Variants in TTLL10 observed in about 807,000 individuals in gnomAD.
The protein encoded by TTLL10 is inactive polyglycylase TTLL10.
A neutral mutation model predicts 69.0 loss-of-function variants in TTLL10; 61 were observed. The observed-to-expected ratio is 0.88, with a 90% CI of 0.72 to 1.09. The LOEUF (loss-of-function observed/expected upper bound fraction) is 1.09. TTLL10 is among the 50% of genes least tolerant of loss of function. The pLI is 0.00. For synonymous variants in TTLL10, 408 were observed against 393.3 expected, an observed-to-expected ratio of 1.04 and a Z score of -0.44; for missense variants, 962 against 945.9, an observed-to-expected ratio of 1.02 and a Z score of -0.22.
chr1:1,180,806 G>C lies in TTLL10; in HGVS notation c.701G>C (p.Gly234Ala). Reference sequence around the variant, plus strand: ...ATCGGGCTGCTCAGCACCCTTCGGGGACGGGCACGGGCCATGAGCAAGGCC... The same window carrying C: ...ATCGGGCTGCTCAGCACCCTTCGGGCACGGGCACGGGCCATGAGCAAGGCC... ...TKIGLLSTLR[G>A]RARAMSKASK... The change falls in exon 8 of 16, where the codon GGA (glycine) becomes GCA (alanine). Residue 234 changes from glycine to alanine, a missense_variant. Gly to Ala is a moderately conservative substitution (Grantham distance 60, BLOSUM62 0). Transcript: ENST00000379289. The C allele has an allele frequency of 6.2e-7, 1 of 1,603,360 alleles. No individual in the cohort carries two copies. Among genetic ancestry groups the C allele is most frequent in the Non-Finnish European group, 8.5e-7 (1 of 1,175,872 alleles).
intron 13 of TTLL10, among the ~76,000 whole-genome samples, chr1:1,188,373 C>T (rs1317937448): frequency 1.3e-5 from 2 of 149,478 alleles, no homozygotes; most frequent in Admixed American, 6.7e-5. Flanking sequence ...TTAAGATTGG[C>T]TTTTCCATTT....
chr1:1,180,861 G>A lies in TTLL10; in HGVS notation c.755+1G>A. ...AGGTGCCGGGGGGGGTCCAGGCCAG[G>A]TGAGTCTGCCCCTGCCCCTGCCCCC... On this transcript the variant is annotated splice_donor_variant, in intron 8 of 15. Coordinates refer to ENST00000379289, the MANE Select transcript of TTLL10 (RefSeq NM_001130045.2). LOFTEE classifies it high-confidence loss of function. The A allele has an allele frequency of 1.3e-6, 2 of 1,561,864 alleles. No individual in the cohort carries two copies. Among genetic ancestry groups the A allele is most frequent in the Non-Finnish European group, 1.7e-6 (2 of 1,153,920 alleles).
At chr1:1,175,458 A>AT in intron 3 of TTLL10, 3 of 359,178 alleles carry the variant, frequency 8.4e-6, no homozygotes, top group South Asian at 6.3e-5. Context: ...TGCCCTGTCC[A>AT]TATCATCCCG....
intron 4 of TTLL10, 86 bp from the exon 5 acceptor site, chr1:1,179,571 A>G: frequency 1.3e-6 from 2 of 1,533,376 alleles, no homozygotes; most frequent in Non-Finnish European, 1.8e-6. Flanking sequence ...CACCCCTGGA[A>G]GGGCAGCCCC....
intron 3 of TTLL10, among the ~76,000 whole-genome samples, chr1:1,177,723 G>A (rs1035505562): frequency 6.6e-6 from 1 of 152,240 alleles, no homozygotes; most frequent in Admixed American, 6.5e-5. Flanking sequence ...TCCCCAGCAG[G>A]AATCCTGGGT....
chr1:1,177,318 C>CTT (rs546851646), intron 3 of TTLL10, among the ~76,000 whole-genome samples: 3 of 147,338 alleles, frequency 2.0e-5, no homozygotes, highest in South Asian at 2.1e-4. Flanking sequence ...GTGTGTCATT[C>CTT]TTTTTTTTTT....
intron 3 of TTLL10, among the ~76,000 whole-genome samples, chr1:1,176,855 T>G (rs1646884811): frequency 2.6e-5 from 4 of 152,240 alleles, no homozygotes; most frequent in Non-Finnish European, 5.9e-5. Flanking sequence ...GCATTTTTAA[T>G]TCCCACCGGC....
chr1:1,182,916 G>C lies in TTLL10; in HGVS notation c.957G>C (p.Gln319His). 2 of 1,596,484 alleles carry C rather than the reference G, an allele frequency of 1.3e-6. No homozygotes were observed. Among genetic ancestry groups the C allele is most frequent in the Non-Finnish European group, 1.7e-6 (2 of 1,171,922 alleles). The change falls in exon 11 of 16, where the codon CAG becomes CAC. Residue 319 changes from glutamine to histidine, a missense_variant. Transcript: ENST00000379289. ...TCTGCAAGCCCACAGCCTCCAACCA[G>C]GGCAAAGGCATCTTCCTGCTCCGGA... The part of the protein sequence containing the change: ...IWICKPTASN[Q>H]GKGIFLLRNQ...
intron 13 of TTLL10, among the ~76,000 whole-genome samples, chr1:1,192,557 G>GAGTGTAGACAATCCAGTTGATATC (rs1557490254): frequency 8.7e-5 from 13 of 150,138 alleles, no homozygotes; most frequent in African/African-American, 3.2e-4. Flanking sequence ...CAGTTGGTAT[G>GAGTGTAGACAATCCAGTTGATATC]AGTGTAGACA....
In TTLL10 at chr1:1,197,866, AGCGCCCC is replaced by A. The variant is rs758076350; in HGVS notation, c.*34_*40del. On this transcript the variant is annotated 3_prime_UTR_variant, in exon 16 of 16. Transcript: ENST00000379289. ...GCCCTAGGGGCAGCCACCCGCGCCC[AGCGCCCC>A]GCGCCCCGCGCCCCAGCCGTGCTGC... The A allele has an allele frequency of 2.0e-4, 289 of 1,421,178 alleles. 1 individual carries two copies. Among genetic ancestry groups the A allele is most frequent in the African/African-American group, 1.0e-3 (67 of 66,002 alleles). The allele number at this position is 1,421,178 out of a possible 1,614,324, so 88.0% of individuals were successfully genotyped here. A position where few individuals can be genotyped will look rare whatever the true frequency, so the allele number is the denominator to read the frequency against.
chr1:1,186,518 T>G (rs1647336304), intron 13 of TTLL10, among the ~76,000 whole-genome samples: 1 of 152,208 alleles, frequency 6.6e-6, no homozygotes, highest in Non-Finnish European at 1.5e-5. Context: ...AATGTTTGTA[T>G]GAATATATAT....
rs74475385 is a variant in TTLL10 at position 1,185,108 on chromosome 1, A to C, written c.1400A>C (p.Lys467Thr). Residue 467 changes from lysine to threonine, a missense_variant and splice_region_variant, in exon 13 of 16, where the codon AAG (lysine) becomes ACG (threonine). By Grantham distance (78) the Lys-to-Thr change is moderately conservative. Transcript: ENST00000379289. The surrounding 1 kb of genome is among the most constrained non-coding windows in gnomAD (Gnocchi z 6.1). ...AAGGACTGGGTCTTCACCACCCTCA[A>C]GGTGCGTCCACTGTGCCCTCCAGTC... ...LAKDWVFTTL[K>T]KRMQQIMAHC... 3.9e-3 allele frequency: 6,302 copies of C among 1,613,334 alleles called. 153 individuals are homozygous for C. The African/African-American group carries it at 0.06, about 15-fold the overall frequency.
chr1:1,184,005 A>G lies in TTLL10; in HGVS notation c.1174A>G (p.Ile392Val). The G allele has an allele frequency of 6.2e-7, 1 of 1,614,052 alleles. No individual in the cohort carries two copies. Among genetic ancestry groups the G allele is most frequent in the South Asian group, 1.1e-5 (1 of 91,080 alleles). ...LLIACTTPYM[I>V]FFGHGYARLT... is the part of the protein sequence containing the mutation. ...CATTGCCTGCACCACACCCTACATGATCTTCTTTGGCCACGGCTATGCTCG... is the reference window on the plus strand; with the variant it reads ...CATTGCCTGCACCACACCCTACATGGTCTTCTTTGGCCACGGCTATGCTCG... Residue 392 changes from isoleucine (I) to valine (V), a missense_variant, in exon 12 of 16, where the codon ATC (isoleucine) becomes GTC (valine). Transcript: ENST00000379289.
intron 13 of TTLL10, among the ~76,000 whole-genome samples, chr1:1,192,228 G>GT (rs138180324): frequency 0.1 from 15,261 of 152,314 alleles, 874 homozygotes; most frequent in East Asian, 0.15. Context: ...AGATCTGTCA[G>GT]TTTTTTGTAT....
Position 1,188,577 on chromosome 1 carries a change from G to T in TTLL10, c.1401+3468G>T, listed in dbSNP as rs7415315. Among the ~76,000 whole-genome samples the T allele has an allele frequency of 6.6e-3, 996 of 152,048 alleles. 13 individuals are homozygous for T. The highest frequency in any genetic ancestry group is 0.02 in the African/African-American group (848 of 41,480). On this transcript the variant is annotated intron_variant, in intron 13 of 15. Coordinates refer to ENST00000379289, the MANE Select transcript of TTLL10 (RefSeq NM_001130045.2). The stretch of plus-strand genomic sequence containing the variant: ...CCACCACCACGCTCGGCTAATTTTT[G>T]TATTTTTAGCAGAGACCAGGTTTCA...
intron 13 of TTLL10, among the ~76,000 whole-genome samples, chr1:1,188,913 C>A (rs902335936): frequency 2.0e-5 from 3 of 152,168 alleles, no homozygotes; most frequent in African/African-American, 7.2e-5. Flanking sequence ...ATTATTTTGA[C>A]ACTTGTGAAT....
chr1:1,196,581 C>A lies in TTLL10; in HGVS notation c.1402-19C>A, dbSNP rs749868652. On this transcript the variant is annotated intron_variant, in intron 13 of 15. Coordinates refer to ENST00000379289, the MANE Select transcript of TTLL10 (RefSeq NM_001130045.2). ...GGGCCTACGGGCCGCAGCCAGGATG[C>A]CTCCCTGCCTCCCTGCAGAAGCGGA... The A allele has an allele frequency of 4.5e-6, 7 of 1,541,308 alleles. No individual in the cohort carries two copies. The highest frequency in any genetic ancestry group is 1.2e-5 in the South Asian group (1 of 83,846).
Position 1,182,402 on chromosome 1 carries a change from T to C in TTLL10, c.872T>C (p.Leu291Pro). The C allele has an allele frequency of 1.2e-6, 2 of 1,613,960 alleles. No individual in the cohort carries two copies. Among genetic ancestry groups the C allele is most frequent in the Non-Finnish European group, 1.7e-6 (2 of 1,179,924 alleles). The change falls in exon 10 of 16, where the codon CTG (leucine) becomes CCG (proline). Residue 291 changes from leucine to proline, a missense_variant. Physicochemically the swap from Leu to Pro is moderately conservative, Grantham distance 98. Coordinates refer to ENST00000379289, the MANE Select transcript of TTLL10 (RefSeq NM_001130045.2). ...GAGTTTTTCCCAGAGACCTACCGCC[T>C]GGACCTCAAACACGAGAGAGAGGCC... ...MEEFFPETYR[L>P]DLKHEREAFF... is the part of the protein sequence containing the mutation.
chr1:1,179,445 C>G (rs747906470), intron 4 of TTLL10, 112 bp downstream of exon 4: 4 of 1,243,878 alleles, frequency 3.2e-6, no homozygotes, highest in Non-Finnish European at 4.6e-6. Flanking sequence ...GGGGCAGGAT[C>G]CACACATGGC....
Sources: gnomAD v4.1 joint callset for allele counts (sites outside exome capture counted in the v4.1 genomes callset) on GRCh38, gnomAD v4.1.1 for gene constraint, Gnocchi (gnomAD v3.1) non-coding constraint, MANE v1.5 for transcripts, NCBI Gene and HGNC (gene_info 2026-07-23, HGNC 2026-07-21) for gene names.